The following PTPRM variants were observed in gnomAD, a reference collection of about 807,000 sequenced individuals.
PTPRM encodes the protein receptor-type tyrosine-protein phosphatase mu.
A neutral mutation model predicts 186.7 loss-of-function variants in PTPRM; 47 were observed. The ratio of observed to expected loss-of-function variants is 0.25; its 90% confidence interval spans 0.20 to 0.32. The LOEUF is 0.32. Ranked by LOEUF, PTPRM falls within the 10% of genes least tolerant of loss-of-function variation. The pLI, the probability that PTPRM is intolerant of heterozygous loss-of-function variation, is 1.00. For synonymous variants in PTPRM, 668 were observed against 674.9 expected (o/e 0.99, Z 0.16); for missense variants, 1,494 against 1,865.0 (o/e 0.80, Z 3.66).
chr18:7,681,660 G>T (rs2039484110), intron 1 of PTPRM, among the ~76,000 whole-genome samples: 1 of 151,650 alleles, frequency 6.6e-6, no homozygotes, highest in South Asian at 2.1e-4. Context: ...ATTACCAAAT[G>T]CTGACTTCTA....
chr18:8,130,372 G>A (rs148653456), intron 13 of PTPRM, among the ~76,000 whole-genome samples: 4 of 152,254 alleles, frequency 2.6e-5, no homozygotes, highest in Middle Eastern at 3.4e-3. Flanking sequence ...CCATGAAACC[G>A]CAAGGCCAAG....
intron 5 of PTPRM, among the ~76,000 whole-genome samples, chr18:7,929,949 G>A (rs1160831717): frequency 6.6e-6 from 1 of 152,198 alleles, no homozygotes; most frequent in East Asian, 1.9e-4. Flanking sequence ...GCAGAAAATT[G>A]AAGAAAAGAA....
intron 24 of PTPRM, among the ~76,000 whole-genome samples, chr18:8,372,233 G>C: frequency 6.8e-6 from 1 of 146,512 alleles, no homozygotes; most frequent in East Asian, 2.0e-4. Context: ...CACCGCGCCC[G>C]GCTAATTTTT....
chr18:7,691,686 G>A (rs78317462), intron 1 of PTPRM, among the ~76,000 whole-genome samples: 5,767 of 152,140 alleles, frequency 0.038, 355 homozygotes, highest in African/African-American at 0.13. Flanking sequence ...AGGTTGAGGC[G>A]GGAGGTTCTC....
At chr18:8,246,949 TC>T (rs1310875803) in intron 15 of PTPRM, among the ~76,000 whole-genome samples, 2 of 152,316 alleles carry the variant, frequency 1.3e-5, no homozygotes, top group South Asian at 2.1e-4. Context: ...TGTCTTAGTG[TC>T]CTGATGAGGA....
At position 7,584,810 on chromosome 18, in the gene PTPRM, C is replaced by T. The variant is rs566298482; in HGVS notation, c.73+16919C>T. On this transcript the variant is annotated intron_variant, in intron 1 of 32. Transcript: ENST00000580170. ...GGTAGAATAATATCCCCCTGCTGGA[C>T]GAGGTATCTGTGCCTTCTGTGGGTG... Among the ~76,000 whole-genome samples, 324 of 152,350 alleles carry T rather than the reference C, an allele frequency of 2.1e-3. 1 individual carries two copies. The highest frequency in any genetic ancestry group is 3.5e-3 in the Non-Finnish European group (237 of 68,038).
intron 7 of PTPRM, among the ~76,000 whole-genome samples, chr18:8,021,220 C>A (rs776882370): frequency 3.3e-5 from 5 of 151,832 alleles, no homozygotes; most frequent in African/African-American, 1.2e-4. Flanking sequence ...TATGACATGG[C>A]GGCTTCAAAC....
intron 11 of PTPRM, among the ~76,000 whole-genome samples, chr18:8,097,252 T>C (rs1019813780): frequency 2.0e-5 from 3 of 152,210 alleles, no homozygotes; most frequent in African/African-American, 7.2e-5. Flanking sequence ...ATTAAATTAA[T>C]ATTCAGCTCT....
At chr18:8,033,873 A>G (rs755697387) in intron 7 of PTPRM, among the ~76,000 whole-genome samples, 1 of 152,224 alleles carries the variant, frequency 6.6e-6, no homozygotes, top group Admixed American at 6.5e-5. Context: ...GTCTGAAATC[A>G]AGGTGTTGGC....
intron 13 of PTPRM, among the ~76,000 whole-genome samples, chr18:8,136,030 C>T (rs977623535): frequency 3.3e-5 from 5 of 152,152 alleles, no homozygotes; most frequent in African/African-American, 4.8e-5. Flanking sequence ...GAGGTAAACA[C>T]GAGGTCTAGA....
intron 2 of PTPRM, among the ~76,000 whole-genome samples, chr18:7,823,158 C>T (rs2045296295): frequency 6.6e-6 from 1 of 152,126 alleles, no homozygotes; most frequent in South Asian, 2.1e-4. Context: ...ATTCCATAGC[C>T]CCAGGATGCT....
intron 1 of PTPRM, among the ~76,000 whole-genome samples, chr18:7,760,121 T>G (rs1939818879): frequency 3.3e-5 from 5 of 152,202 alleles, no homozygotes. Context: ...TGCCTTCTCT[T>G]CTGCTGCCGC....
At chr18:8,208,531 AAACAGGG>A in intron 14 of PTPRM, among the ~76,000 whole-genome samples, 1 of 131,752 alleles carries the variant, frequency 7.6e-6, no homozygotes, top group African/African-American at 3.2e-5. Context: ...TTTTTTTTTT[AAACAGGG>A]TCTCACTCTG....
intron 5 of PTPRM, among the ~76,000 whole-genome samples, chr18:7,928,888 G>T (rs1330340100): frequency 2.6e-5 from 4 of 152,078 alleles, no homozygotes; most frequent in Non-Finnish European, 4.4e-5. Flanking sequence ...TACACTTCCA[G>T]GAACTTTGTT....
At chr18:8,317,947 A>G (rs1047194917) in intron 21 of PTPRM, among the ~76,000 whole-genome samples, 4 of 152,156 alleles carry the variant, frequency 2.6e-5, no homozygotes, top group Non-Finnish European at 2.9e-5. Flanking sequence ...TGGTCTAAAG[A>G]GTTCTATTTA....
At chr18:8,291,981 G>A (rs955478475) in intron 19 of PTPRM, among the ~76,000 whole-genome samples, 1 of 152,064 alleles carries the variant, frequency 6.6e-6, no homozygotes, top group Non-Finnish European at 1.5e-5. Context: ...TGGCAGTCCC[G>A]GCTGCAAACT....
chr18:8,140,480 G>C (rs1321672517), intron 13 of PTPRM, among the ~76,000 whole-genome samples: 1 of 149,282 alleles, frequency 6.7e-6, no homozygotes, highest in African/African-American at 2.5e-5. Flanking sequence ...TTACATACTA[G>C]ATGTTATAAC....
intron 7 of PTPRM, among the ~76,000 whole-genome samples, chr18:8,056,392 G>A (rs567020591): frequency 5.3e-5 from 8 of 152,282 alleles, no homozygotes; most frequent in African/African-American, 1.9e-4. Flanking sequence ...ACTTTGGGAG[G>A]CCGAGGCAGG....
chr18:8,040,981 G>A (rs2086655657), intron 7 of PTPRM, among the ~76,000 whole-genome samples: 1 of 152,194 alleles, frequency 6.6e-6, no homozygotes, highest in African/African-American at 2.4e-5. Flanking sequence ...CTTGGGTTCA[G>A]TAAAGTCTTG....
Sources: allele counts gnomAD v4.1 joint callset (sites outside exome capture counted in the v4.1 genomes callset), GRCh38; gene constraint gnomAD v4.1.1; transcripts MANE v1.5; gene names NCBI Gene and HGNC (gene_info 2026-07-23, HGNC 2026-07-21).